CCDC158: variants seen among roughly 807,000 people sequenced by gnomAD.
CCDC158 encodes the protein coiled-coil domain-containing protein 158.
In CCDC158, 116 loss-of-function variants were observed where a neutral mutation model predicts 138.6. The observed-to-expected ratio is 0.84, with a 90% CI of 0.72 to 0.98. The LOEUF (loss-of-function observed/expected upper bound fraction) is 0.98. CCDC158 is among the 50% of genes least tolerant of loss of function. The pLI is 0.00. For missense variants in CCDC158, 1,265 were observed against 1,306.1 expected (o/e 0.97, Z 0.48); for synonymous variants, 436 against 442.4 (o/e 0.99, Z 0.18).
chr4:76,353,120 T>G lies in CCDC158; in HGVS notation c.2445+3A>C. On this transcript the variant is annotated splice_donor_region_variant and intron_variant, in intron 16 of 24. Transcript: ENST00000682701. ...TTACTTCATATGTTTAGTTAATAAT[T>G]ACCTTATCCAGAGCCACTTCCATAT... The G allele has an allele frequency of 6.2e-7, 1 of 1,604,122 alleles. No homozygotes were observed. Among genetic ancestry groups the G allele is most frequent in the Non-Finnish European group, 8.5e-7 (1 of 1,176,378 alleles).
intron 14 of CCDC158, among the ~76,000 whole-genome samples, chr4:76,356,229 T>G (rs1723548360): frequency 6.6e-6 from 1 of 152,140 alleles, no homozygotes; most frequent in South Asian, 2.1e-4. Flanking sequence ...CTATCTAAAC[T>G]GTCAAAACAG....
intron 15 of CCDC158, among the ~76,000 whole-genome samples, chr4:76,354,759 G>A (rs963801116): frequency 3.9e-5 from 6 of 152,072 alleles, no homozygotes; most frequent in Non-Finnish European, 5.9e-5. Flanking sequence ...ATCCACATCC[G>A]GTGTTACAGG....
chr4:76,353,365 A>G lies in CCDC158; in HGVS notation c.2287-84T>C, dbSNP rs1008897047. 8 of 1,121,160 alleles carry G rather than the reference A, an allele frequency of 7.1e-6. No homozygotes were observed. In the Admixed American group the frequency reaches 1.4e-4, roughly 20 times the overall value. 69.5% of individuals were successfully genotyped at this position (1,121,160 alleles called of 1,614,324 possible). On this transcript the variant is annotated intron_variant, in intron 15 of 24. Transcript: ENST00000682701. ...TAATGGAAATATAAAATTCTTGTTTAAAGGACCCTGAACTAGGTAAGTTTA... is the reference window on the plus strand; with the variant it reads ...TAATGGAAATATAAAATTCTTGTTTGAAGGACCCTGAACTAGGTAAGTTTA...
At chr4:76,405,861 T>C (rs1253988831) in intron 2 of CCDC158, among the ~76,000 whole-genome samples, 1 of 151,930 alleles carries the variant, frequency 6.6e-6, no homozygotes, top group Non-Finnish European at 1.5e-5. Context: ...CCTTCTTAAA[T>C]GACAAAGAAT....
Position 76,382,589 on chromosome 4 carries a change from TA to T in CCDC158, c.914+20del. 7.2e-7 allele frequency: 1 copy of T among 1,384,566 alleles called. No homozygotes were observed. The highest frequency in any genetic ancestry group is 1.0e-6 in the Non-Finnish European group (1 of 974,334). The allele number at this position is 1,384,566 out of a possible 1,614,324, so 85.8% of individuals were successfully genotyped here. A position where few individuals can be genotyped will look rare whatever the true frequency, so the allele number is the denominator to read the frequency against. ...TATCTTTAAAATGAAGATGAATGAC[TA>T]ACAGTTTCAAACCACATACTGAATG... On this transcript the variant is annotated intron_variant, in intron 8 of 24. Transcript: ENST00000682701.
chr4:76,329,008 A>T, intron 21 of CCDC158, 41 bp from the exon 22 acceptor site: 1 of 1,475,666 alleles, frequency 6.8e-7, no homozygotes, highest in South Asian at 1.1e-5. Context: ...TCCATTTCAC[A>T]AACACAGTAC....
At chr4:76,359,138 T>G (rs544183705) in intron 13 of CCDC158, among the ~76,000 whole-genome samples, 2 of 152,148 alleles carry the variant, frequency 1.3e-5, no homozygotes, top group African/African-American at 2.4e-5. Context: ...TGTGAAGATG[T>G]GCTTGTTTCC....
At chr4:76,408,166 A>G (rs1384819550) in intron 2 of CCDC158, among the ~76,000 whole-genome samples, 4 of 150,090 alleles carry the variant, frequency 2.7e-5, no homozygotes, top group Non-Finnish European at 5.9e-5. Context: ...TCACTTCTTT[A>G]TATACATATA....
Position 76,413,820 on chromosome 4 carries a change from A to G in CCDC158, c.-116-1688T>C, listed in dbSNP as rs143705890. Among the ~76,000 whole-genome samples the G allele has an allele frequency of 2.3e-3, 343 of 152,356 alleles. 1 individual carries two copies. Among genetic ancestry groups the G allele is most frequent in the African/African-American group, 7.9e-3 (327 of 41,592 alleles). ...AAAATATGATGACTTCTCACAGATGATATCAGTCAACAGCAAAGCCAGATA... is the reference window on the plus strand; with the variant it reads ...AAAATATGATGACTTCTCACAGATGGTATCAGTCAACAGCAAAGCCAGATA... On this transcript the variant is annotated intron_variant, in intron 1 of 24. Transcript: ENST00000682701.
chr4:76,371,769 CT>C (rs1415143386), intron 9 of CCDC158, among the ~76,000 whole-genome samples: 3 of 152,112 alleles, frequency 2.0e-5, no homozygotes, highest in Non-Finnish European at 4.4e-5. Flanking sequence ...AAAATCCCGT[CT>C]CTACTAAAAA....
In CCDC158 at chr4:76,332,486, T is replaced by C. The variant is rs375992308; in HGVS notation, c.2828A>G (p.Asp943Gly). The change falls in exon 20 of 25, where the codon GAT becomes GGT. Residue 943 changes from aspartate (D) to glycine (G), a missense_variant. Physicochemically the swap from Asp to Gly is moderately conservative, Grantham distance 94 (BLOSUM62 -1). Coordinates refer to ENST00000682701, the MANE Select transcript of CCDC158 (RefSeq NM_001394954.1). The stretch of plus-strand genomic sequence containing the variant: ...TTCAGTAATGCAATCTCTTACCCTA[T>C]CCTCTCTGTATAGAAAATATAACTC... ...SLGALYVAVE[D>G]RVRDCITESS... 6.2e-7 allele frequency: 1 copy of C among 1,604,960 alleles called. No homozygotes were observed. Among genetic ancestry groups the C allele is most frequent in the Admixed American group, 1.7e-5 (1 of 59,110 alleles).
intron 24 of CCDC158, among the ~76,000 whole-genome samples, chr4:76,315,080 G>C (rs546879918): frequency 6.8e-4 from 104 of 152,252 alleles, no homozygotes; most frequent in Middle Eastern, 3.4e-3. Context: ...AGACACTGGC[G>C]CTGTTAGCAG....
chr4:76,342,185 A>C (rs1372660494), intron 18 of CCDC158, among the ~76,000 whole-genome samples: 10 of 152,194 alleles, frequency 6.6e-5, no homozygotes, highest in Non-Finnish European at 1.3e-4. Context: ...GACTACAAGC[A>C]AATGCCAACA....
In CCDC158 at chr4:76,345,136, TG is replaced by T. The variant is rs1334040202; in HGVS notation, c.2664+5859del. ...CACACTGCAGCCTGCTTACATTGCCTGGCTTTAGAAGAGCCCACAGTCATCA... is the reference window on the plus strand; with the variant it reads ...CACACTGCAGCCTGCTTACATTGCCTGCTTTAGAAGAGCCCACAGTCATCA... On this transcript the variant is annotated intron_variant, in intron 18 of 24. Transcript: ENST00000682701. 1.4e-5 allele frequency: 15 copies of T among 1,108,742 alleles called. No individual in the cohort carries two copies. In the East Asian group the frequency reaches 3.1e-4, roughly 23 times the overall value. 68.7% of individuals were successfully genotyped at this position (1,108,742 alleles called of 1,614,324 possible). A position where few individuals can be genotyped will look rare whatever the true frequency, so the allele number is the denominator to read the frequency against.
At chr4:76,389,525 A>G (rs1112954) in intron 4 of CCDC158, among the ~76,000 whole-genome samples, 4,484 of 152,296 alleles carry the variant, frequency 0.029, 222 homozygotes, top group African/African-American at 0.1. Flanking sequence ...GTTAGAGAAG[A>G]AGATAGGGGT....
intron 18 of CCDC158, among the ~76,000 whole-genome samples, chr4:76,337,328 G>A (rs1225259275): frequency 6.6e-6 from 1 of 152,116 alleles, no homozygotes; most frequent in Non-Finnish European, 1.5e-5. Flanking sequence ...TCTTTTTAAT[G>A]TTTGCATAGC....
intron 12 of CCDC158, among the ~76,000 whole-genome samples, chr4:76,365,540 T>C (rs1413295079): frequency 6.6e-6 from 1 of 152,224 alleles, no homozygotes; most frequent in Non-Finnish European, 1.5e-5. Context: ...AAACCTTTAA[T>C]GTCTCCCACA....
At chr4:76,332,729 T>C (rs1334008736) in intron 19 of CCDC158, among the ~76,000 whole-genome samples, 1 of 152,210 alleles carries the variant, frequency 6.6e-6, no homozygotes, top group Admixed American at 6.5e-5. Context: ...AGGACATTTA[T>C]AGGATTATAG....
chr4:76,378,716 C>T (rs931387756), intron 9 of CCDC158, among the ~76,000 whole-genome samples: 32 of 152,034 alleles, frequency 2.1e-4, no homozygotes, highest in African/African-American at 7.7e-4. Flanking sequence ...TCTGGATAAA[C>T]AGATGACAAT....
Sources: gnomAD v4.1 joint callset for allele counts (sites outside exome capture counted in the v4.1 genomes callset) on GRCh38, gnomAD v4.1.1 for gene constraint, MANE v1.5 for transcripts, NCBI Gene and HGNC (gene_info 2026-07-23, HGNC 2026-07-21) for gene names.